ACAP3: variants seen among roughly 807,000 people sequenced by gnomAD.
ACAP3 encodes arf-GAP with coiled-coil, ANK repeat and PH domain-containing protein 3.
A neutral mutation model predicts 104.1 loss-of-function variants in ACAP3; 56 were observed. The observed-to-expected ratio is 0.54, with a 90% CI of 0.43 to 0.67. ACAP3 has a LOEUF of 0.67. ACAP3 is among the 30% of genes least tolerant of loss of function. The probability of loss-of-function intolerance (pLI) is 0.00; values close to 1 mark genes in which losing one functional copy is unlikely to be tolerated. For missense variants in ACAP3, 1,208 were observed against 1,174.9 expected (o/e 1.03, Z -0.41); for synonymous variants, 628 against 496.2 (o/e 1.27, Z -3.53).
chr1:1,293,734 C>T, intron 23 of ACAP3, 26 bp from the exon 24 acceptor site: 1 of 1,386,714 alleles, frequency 7.2e-7, no homozygotes, highest in Non-Finnish European at 9.0e-7. Context: ...GCGTGAGACG[C>T]CCCTGCCCTG....
chr1:1,301,601 A>T (rs565916716), intron 5 of ACAP3: 1 of 163,518 alleles, frequency 6.1e-6, no homozygotes, highest in Admixed American at 6.5e-5. Flanking sequence ...TCCTGGGCAT[A>T]GCCTCCTTCC....
intron 1 of ACAP3, among the ~76,000 whole-genome samples, chr1:1,306,806 G>A (rs1641730652): frequency 2.6e-5 from 4 of 152,266 alleles, no homozygotes; most frequent in African/African-American, 7.2e-5. Flanking sequence ...ACCTAGTGAT[G>A]GAACACGCGT....
chr1:1,302,804 C>T (rs567548429), intron 4 of ACAP3, 118 bp downstream of exon 4: 3 of 331,620 alleles, frequency 9.0e-6, no homozygotes, highest in Admixed American at 4.2e-5. Context: ...TTCCCCCCCC[C>T]CCCGACTAGA....
In ACAP3 at chr1:1,304,120, G is replaced by A. The variant is rs574253017; in HGVS notation, c.71C>T (p.Thr24Met). 10 of 1,550,678 alleles carry A rather than the reference G, an allele frequency of 6.4e-6. No individual in the cohort carries two copies. Among genetic ancestry groups the A allele is most frequent in the South Asian group, 3.6e-5 (3 of 84,066 alleles). ...RFRATIDEVETDVVEIEAKLD... is the reference protein window; with the variant it reads ...RFRATIDEVEMDVVEIEAKLD... ...TTTGGCCTCAATCTCCACCACGTCC[G>A]TCTCCACCTCGTCAATGGTCGCCCT... The change falls in exon 2 of 24, where the codon ACG (threonine) becomes ATG (methionine). Residue 24 changes from threonine (T) to methionine (M), a missense_variant. Physicochemically the swap from Thr to Met is moderately conservative, Grantham distance 81. Coordinates refer to ENST00000354700, the MANE Select transcript of ACAP3 (RefSeq NM_030649.3).
intron 1 of ACAP3, chr1:1,307,411 G>A (rs1222051634): frequency 1.5e-6 from 2 of 1,291,996 alleles, no homozygotes; most frequent in Non-Finnish European, 2.0e-6. Context: ...TCAGAGACCA[G>A]GGGCCGACGC....
chr1:1,298,908 G>GC, intron 10 of ACAP3: 1 of 572,542 alleles, frequency 1.7e-6, no homozygotes, highest in Non-Finnish European at 3.1e-6. Context: ...ACAGCTGGGG[G>GC]CCCGAGAGTG....
rs993935968 is a variant in ACAP3 at position 1,300,170 on chromosome 1, C to T, written c.555G>A (p.Glu185=). 4 of 1,610,438 alleles carry T rather than the reference C, an allele frequency of 2.5e-6. No individual in the cohort carries two copies. In the East Asian group the frequency reaches 8.9e-5, roughly 36 times the overall value. The change falls in exon 7 of 24, where the codon GAG becomes GAA. Residue 185 remains glutamate (E), a synonymous_variant. Transcript: ENST00000354700. ...INVLQAKKKF[E]ILDSMLSFMH... is the part of the protein sequence containing the mutation. ...CCCACGCACTCACAGAGTCCAGGAT[C>T]TCAAACTTCTTCTTGGCCTGCAGAA...
At chr1:1,304,319 T>G in intron 1 of ACAP3, 176 bp from the exon 2 acceptor site, 1 of 706,432 alleles carries the variant, frequency 1.4e-6, no homozygotes, top group Non-Finnish European at 2.3e-6. Context: ...TCAGTGCACT[T>G]CCCCCCGCCC....
intron 1 of ACAP3, among the ~76,000 whole-genome samples, chr1:1,306,789 C>T (rs1251535233): frequency 6.6e-6 from 1 of 152,276 alleles, no homozygotes; most frequent in Non-Finnish European, 1.5e-5. Flanking sequence ...CACGCATCAA[C>T]ATGTGTACCT....
chr1:1,303,515 C>T lies in ACAP3; in HGVS notation c.106-234G>A. Reference sequence around the variant, plus strand: ...CGGCTCGGCTGGGAGGGACCAGGAGCCAGGCAGGGGACCCAGGGCCAGCAG... The same window carrying T: ...CGGCTCGGCTGGGAGGGACCAGGAGTCAGGCAGGGGACCCAGGGCCAGCAG... On this transcript the variant is annotated intron_variant, in intron 2 of 23. Coordinates refer to ENST00000354700, the MANE Select transcript of ACAP3 (RefSeq NM_030649.3). The surrounding 1 kb of genome is among the most constrained non-coding windows in gnomAD (Gnocchi z 4.0). The T allele has an allele frequency of 1.6e-6, 1 of 631,196 alleles. No homozygotes were observed. The highest frequency in any genetic ancestry group is 2.9e-5 in the East Asian group (1 of 34,404). The allele number at this position is 631,196 out of a possible 1,614,324, so 39.1% of individuals were successfully genotyped here. A position where few individuals can be genotyped will look rare whatever the true frequency, so the allele number is the denominator to read the frequency against.
At chr1:1,296,886 C>T (rs1403585885) in intron 14 of ACAP3, among the ~76,000 whole-genome samples, 1 of 152,154 alleles carries the variant, frequency 6.6e-6, no homozygotes, top group African/African-American at 2.4e-5. Context: ...CACGCACGTA[C>T]GTGTGCACAC....
In ACAP3 at chr1:1,296,005, C is replaced by T. The variant is rs377124628; in HGVS notation, c.1502+10G>A. 2.7e-5 allele frequency: 44 copies of T among 1,612,646 alleles called. No homozygotes were observed. The highest frequency in any genetic ancestry group is 1.7e-4 in the Admixed American group (10 of 59,998). The stretch of plus-strand genomic sequence containing the variant: ...GCTCCCTGACTGATCCAGACTGTAC[C>T]CCACCTCACCGGGAGCTGCTGGCTG... On this transcript the variant is annotated intron_variant, in intron 17 of 23. Transcript: ENST00000354700.
Position 1,294,773 on chromosome 1 carries a change from G to A in ACAP3, c.1857C>T (p.Ser619=). Reference sequence around the variant, plus strand: ...CCGAGCCGAAAGCCAGGACGTCCGAGCTGCCATCCGAGCTGCCCCCAAGGC... The same window carrying A: ...CCGAGCCGAAAGCCAGGACGTCCGAACTGCCATCCGAGCTGCCCCCAAGGC... The part of the protein sequence containing the change: ...DSGLGGSSDG[S]SDVLAFGSGS... The change falls in exon 20 of 24, where the codon AGC becomes AGT. Residue 619 remains serine (S), a synonymous_variant. Transcript: ENST00000354700. The A allele has an allele frequency of 6.5e-7, 1 of 1,549,740 alleles. No individual in the cohort carries two copies. The highest frequency in any genetic ancestry group is 8.7e-7 in the Non-Finnish European group (1 of 1,146,580).
In ACAP3 at chr1:1,296,195, G is replaced by A. The variant is rs1216656815; in HGVS notation, c.1407+16C>T. On this transcript the variant is annotated intron_variant, in intron 16 of 23. Transcript: ENST00000354700. Reference sequence around the variant, plus strand: ...CACAAACGGGGTCCCGTGGCCTCCAGGAGCCCCACACGCACCTTTAGCAGC... The same window carrying A: ...CACAAACGGGGTCCCGTGGCCTCCAAGAGCCCCACACGCACCTTTAGCAGC... The A allele has an allele frequency of 5.0e-6, 8 of 1,587,810 alleles. No homozygotes were observed. The highest frequency in any genetic ancestry group is 1.3e-5 in the African/African-American group (1 of 74,544).
In ACAP3 at chr1:1,296,530, C is replaced by T. The variant is rs1285677904; in HGVS notation, c.1232G>A (p.Ser411Asn). The T allele has an allele frequency of 6.5e-7, 1 of 1,540,144 alleles. No homozygotes were observed. The highest frequency in any genetic ancestry group is 2.0e-5 in the Admixed American group (1 of 51,002). Residue 411 changes from serine (S) to asparagine (N), a missense_variant, in exon 15 of 24, where the codon AGT becomes AAT. Physicochemically the swap from Ser to Asn is conservative, Grantham distance 46 (BLOSUM62 1). Transcript: ENST00000354700. The part of the protein sequence containing the change: ...KGESVLQRVQ[S>N]VAGNSQCGDC... Reference sequence around the variant, plus strand: ...GCCGCACTGGCTGTTGCCGGCCACACTCTGCACACGCTGCAGCACACTCTC... The same window carrying T: ...GCCGCACTGGCTGTTGCCGGCCACATTCTGCACACGCTGCAGCACACTCTC...
At chr1:1,307,307 C>T in intron 1 of ACAP3, 1 of 1,289,260 alleles carries the variant, frequency 7.8e-7, no homozygotes, top group Admixed American at 2.3e-5. Flanking sequence ...CTGGGTCATT[C>T]AAACCACTTC....
chr1:1,293,671 C>T lies in ACAP3; in HGVS notation c.2398G>A (p.Ala800Thr). 6.9e-7 allele frequency: 1 copy of T among 1,456,204 alleles called. No homozygotes were observed. The highest frequency in any genetic ancestry group is 1.3e-5 in the South Asian group (1 of 77,044). The allele number at this position is 1,456,204 out of a possible 1,614,324, so 90.2% of individuals were successfully genotyped here. A position where few individuals can be genotyped will look rare whatever the true frequency, so the allele number is the denominator to read the frequency against. Residue 800 changes from alanine (A) to threonine (T), a missense_variant, in exon 24 of 24, where the codon GCC (alanine) becomes ACC (threonine). Physicochemically the swap from Ala to Thr is moderately conservative, Grantham distance 58. Coordinates refer to ENST00000354700, the MANE Select transcript of ACAP3 (RefSeq NM_030649.3). ...LARMAEEMRE[A>T]EAAPGPPGAL... The stretch of plus-strand genomic sequence containing the variant: ...CCCGGGGGACCAGGGGCAGCCTCGG[C>T]CTCGCGCATTTCCTCCGCCATGCGC...
At chr1:1,300,837 T>C in intron 5 of ACAP3, 145 bp from the exon 6 acceptor site, 2 of 781,660 alleles carry the variant, frequency 2.6e-6, no homozygotes, top group East Asian at 3.0e-5. Context: ...AATGGTGCTG[T>C]CTCGGCTCAC....
At chr1:1,296,866 C>T (rs915635280) in intron 14 of ACAP3, among the ~76,000 whole-genome samples, 2 of 152,148 alleles carry the variant, frequency 1.3e-5, no homozygotes, top group South Asian at 2.1e-4. Flanking sequence ...GCGCCGAGCA[C>T]ACGCCCGCAC....
Sources: allele counts gnomAD v4.1 joint callset (sites outside exome capture counted in the v4.1 genomes callset), GRCh38; gene constraint gnomAD v4.1.1; non-coding constraint Gnocchi (gnomAD v3.1); transcripts MANE v1.5; gene names NCBI Gene and HGNC (gene_info 2026-07-23, HGNC 2026-07-21).